Variants in DOCK3 observed in about 807,000 individuals in gnomAD.
DOCK3 encodes the protein dedicator of cytokinesis protein 3.
DOCK3 carries 60 observed loss-of-function variants against 265.6 expected under a neutral mutation model. The observed-to-expected ratio is 0.23, with a 90% CI of 0.18 to 0.28. DOCK3 has a LOEUF of 0.28. Ranked by LOEUF, DOCK3 falls within the 10% of genes least tolerant of loss-of-function variation. DOCK3 has a pLI of 1.00. For synonymous variants in DOCK3, 881 were observed against 938.0 expected, an observed-to-expected ratio of 0.94 and a Z score of 1.11; for missense variants, 1,981 against 2,594.3, an observed-to-expected ratio of 0.76 and a Z score of 5.14.
At position 51,312,546 on chromosome 3, in the gene DOCK3, C is replaced by T. The variant is rs556704000; in HGVS notation, c.3164C>T (p.Thr1055Ile). 6.6e-5 allele frequency: 105 copies of T among 1,594,846 alleles called. No individual in the cohort carries two copies. The highest frequency in any genetic ancestry group is 8.8e-5 in the Non-Finnish European group (103 of 1,175,518). ...CCAAGCCTTCAGCTAGAAATTATCA[C>T]CTCAGCCAAAAGGAAGAAGATTCTA... ...NQPSLQLEII[T>I]SAKRKKILDK... Residue 1055 changes from threonine (T) to isoleucine (I), a missense_variant, in exon 30 of 53, where the codon ACC becomes ATC. By Grantham distance (89) the Thr-to-Ile change is moderately conservative. Around this residue, in one of 4 missense-constraint regions of DOCK3, gnomAD observed 1,357 missense variants for 1,866.8 expected, o/e 0.73. Coordinates refer to ENST00000266037, the MANE Select transcript of DOCK3 (RefSeq NM_004947.5).
At chr3:51,208,721 A>G (rs988857755) in intron 12 of DOCK3, 53 bp from the exon 13 acceptor site, 8 of 1,447,424 alleles carry the variant, frequency 5.5e-6, no homozygotes, top group Non-Finnish European at 6.7e-6. Flanking sequence ...TTGGAACATC[A>G]GACCAGTTGT....
intron 27 of DOCK3, among the ~76,000 whole-genome samples, chr3:51,308,751 G>T (rs1050740523): frequency 2.0e-5 from 3 of 152,272 alleles, no homozygotes; most frequent in Admixed American, 6.5e-5. Flanking sequence ...CCCAGACGGG[G>T]TGGTGGCCGG....
intron 5 of DOCK3, among the ~76,000 whole-genome samples, chr3:51,001,771 G>A (rs1421084818): frequency 6.6e-6 from 1 of 152,122 alleles, no homozygotes. Flanking sequence ...AGTAATATAT[G>A]AGAGTACCAG....
At chr3:50,875,736 C>G (rs967118347) in intron 3 of DOCK3, among the ~76,000 whole-genome samples, 3 of 151,838 alleles carry the variant, frequency 2.0e-5, no homozygotes, top group African/African-American at 7.3e-5. Context: ...CATTTATATT[C>G]ATCAGGATTA....
At chr3:51,290,099 G>A (rs1380590135) in intron 27 of DOCK3, among the ~76,000 whole-genome samples, 27 of 152,210 alleles carry the variant, frequency 1.8e-4, no homozygotes, top group African/African-American at 6.0e-4. Flanking sequence ...ACTGTAAACT[G>A]GTTCAACCAT....
At chr3:50,863,483 A>G (rs1256525241) in intron 3 of DOCK3, 1 of 517,634 alleles carries the variant, frequency 1.9e-6, no homozygotes, top group African/African-American at 1.9e-5. Context: ...GCAGCAGAGA[A>G]GTACTCCCAC....
chr3:51,310,159 G>A (rs1225746926), intron 27 of DOCK3, 73 bp from the exon 28 acceptor site: 8 of 1,168,616 alleles, frequency 6.8e-6, no homozygotes, highest in East Asian at 2.5e-5. Flanking sequence ...ATCTAGTGGC[G>A]GCCAGGAGTG....
At chr3:50,956,140 G>C (rs2076723636) in intron 5 of DOCK3, among the ~76,000 whole-genome samples, 1 of 151,868 alleles carries the variant, frequency 6.6e-6, no homozygotes, top group Non-Finnish European at 1.5e-5. Context: ...TGAGAAGTCA[G>C]CTGTTTTCTT....
intron 1 of DOCK3, among the ~76,000 whole-genome samples, chr3:50,754,278 A>G (rs1039830141): frequency 1.3e-5 from 2 of 151,950 alleles, no homozygotes; most frequent in African/African-American, 2.4e-5. Flanking sequence ...GGAACAGTAG[A>G]CACTTTGGAC....
chr3:51,044,454 A>G (rs940452487), intron 5 of DOCK3, among the ~76,000 whole-genome samples: 2 of 152,080 alleles, frequency 1.3e-5, no homozygotes, highest in Non-Finnish European at 2.9e-5. Flanking sequence ...GAGGAGGGAG[A>G]GGATCAGGAA....
At chr3:50,844,505 G>A (rs993003461) in intron 3 of DOCK3, among the ~76,000 whole-genome samples, 6 of 152,114 alleles carry the variant, frequency 3.9e-5, no homozygotes, top group Non-Finnish European at 5.9e-5. Flanking sequence ...ACAGACATGA[G>A]CCACCGTGCC....
chr3:51,113,454 A>G (rs999681941), intron 9 of DOCK3, among the ~76,000 whole-genome samples: 3 of 152,148 alleles, frequency 2.0e-5, no homozygotes, highest in African/African-American at 4.8e-5. Context: ...TGGCCCCCAC[A>G]TACTATTGCT....
chr3:51,144,820 A>G (rs973047116), intron 9 of DOCK3, among the ~76,000 whole-genome samples: 22 of 152,226 alleles, frequency 1.4e-4, no homozygotes, highest in African/African-American at 4.8e-4. Flanking sequence ...TACACGAACA[A>G]ACTAAACTGA....
intron 10 of DOCK3, among the ~76,000 whole-genome samples, chr3:51,147,565 C>G (rs1379073563): frequency 6.6e-6 from 1 of 152,120 alleles, no homozygotes; most frequent in Non-Finnish European, 1.5e-5. Flanking sequence ...TGTTCAAGTC[C>G]CACCTATCAG....
At chr3:51,216,707 C>G in intron 14 of DOCK3, among the ~76,000 whole-genome samples, 1 of 152,150 alleles carries the variant, frequency 6.6e-6, no homozygotes. Context: ...GGTTTGCAGT[C>G]CCTGGGCAAA....
rs138645982 is a variant in DOCK3, at chr3:50,971,208, T to C, written c.315+37131T>C. Reference sequence around the variant, plus strand: ...TTTCATTTTGGTTAGTATGATCTATTGCTGAGGAATTAGTGTGATCCTTTG... The same window carrying C: ...TTTCATTTTGGTTAGTATGATCTATCGCTGAGGAATTAGTGTGATCCTTTG... On this transcript the variant is annotated intron_variant, in intron 5 of 52. Transcript: ENST00000266037. Among the ~76,000 whole-genome samples the C allele has an allele frequency of 7.8e-3, 1,177 of 151,772 alleles. 17 individuals are homozygous for C. The highest frequency in any genetic ancestry group is 0.027 in the African/African-American group (1,116 of 41,388).
At chr3:50,964,439 C>T (rs984167863) in intron 5 of DOCK3, among the ~76,000 whole-genome samples, 2 of 151,908 alleles carry the variant, frequency 1.3e-5, no homozygotes, top group Admixed American at 6.6e-5. Context: ...TTAAAAAACA[C>T]CCAAGTTTGA....
intron 9 of DOCK3, among the ~76,000 whole-genome samples, chr3:51,135,147 A>T (rs1043262488): frequency 6.6e-6 from 1 of 152,138 alleles, no homozygotes; most frequent in Non-Finnish European, 1.5e-5. Context: ...TTCCACAGAG[A>T]CCTCGAATTC....
chr3:50,830,110 T>C (rs2045048874), intron 2 of DOCK3, among the ~76,000 whole-genome samples: 1 of 152,234 alleles, frequency 6.6e-6, no homozygotes, highest in African/African-American at 2.4e-5. Context: ...TTACAAGTGA[T>C]TGGCACATTG....
Sources: allele counts gnomAD v4.1 joint callset (sites outside exome capture counted in the v4.1 genomes callset), GRCh38; gene constraint gnomAD v4.1.1; regional missense constraint gnomAD v4.1.1; transcripts MANE v1.5; gene names NCBI Gene and HGNC (gene_info 2026-07-23, HGNC 2026-07-21).